The following COBLL1 variants were observed in gnomAD, a reference collection of about 807,000 sequenced individuals.
COBLL1 encodes the protein cordon-bleu protein-like 1.
A neutral mutation model predicts 94.8 loss-of-function variants in COBLL1; 50 were observed. The observed-to-expected ratio is 0.53, with a 90% CI of 0.42 to 0.67. The LOEUF (loss-of-function observed/expected upper bound fraction) is 0.67, where lower values mean the gene tolerates loss of function less well. Ranked by LOEUF, COBLL1 falls within the 30% of genes least tolerant of loss-of-function variation. The pLI is 0.00. For missense variants in COBLL1, 1,362 were observed against 1,348.7 expected, an observed-to-expected ratio of 1.01 and a Z score of -0.15; for synonymous variants, 448 against 473.8, an observed-to-expected ratio of 0.95 and a Z score of 0.71.
chr2:164,671,132 G>C (rs1691235355), intron 1 of COBLL1, among the ~76,000 whole-genome samples: 1 of 152,028 alleles, frequency 6.6e-6, no homozygotes, highest in Non-Finnish European at 1.5e-5. Context: ...ATATAATGCT[G>C]CCAACACCTT....
chr2:164,783,783 A>T (rs1574580694), intron 2 of COBLL1, among the ~76,000 whole-genome samples: 1 of 152,200 alleles, frequency 6.6e-6, no homozygotes, highest in Admixed American at 6.5e-5. Flanking sequence ...CCTGGGCAAC[A>T]TAGCGAGATC....
chr2:164,685,936 A>C lies in COBLL1; in HGVS notation c.*10T>G, dbSNP rs773052861. On this transcript the variant is annotated 3_prime_UTR_variant, in exon 14 of 14. Transcript: ENST00000652658. ...TGGAAGTGAAGTGCAGTGGTGTGGC[A>C]GGGTAACATTTAATGGCCGTCCTGG... The C allele has an allele frequency of 2.0e-5, 31 of 1,563,242 alleles. No individual in the cohort carries two copies. In the East Asian group the frequency reaches 6.1e-4, roughly 31 times the overall value.
chr2:164,714,741 C>G (rs1165297103), intron 7 of COBLL1, among the ~76,000 whole-genome samples: 1 of 152,158 alleles, frequency 6.6e-6, no homozygotes, highest in Non-Finnish European at 1.5e-5. Context: ...AAATGCAAAT[C>G]TTCCCATGAG....
In COBLL1 at chr2:164,705,196, A is replaced by T. The variant is rs957078997; in HGVS notation, c.997-91T>A. ...CTGAACTTTACGTCAAGCACAGGAT[A>T]TATCCAAATGGAACATAACAGTCAT... On this transcript the variant is annotated intron_variant, in intron 7 of 13. Transcript: ENST00000652658. 5.1e-6 allele frequency: 5 copies of T among 982,090 alleles called. No homozygotes were observed. The Admixed American group carries it at 1.8e-4, about 35-fold the overall frequency. 60.8% of individuals were successfully genotyped at this position (982,090 alleles called of 1,614,324 possible).
chr2:164,722,048 A>C (rs368379267), intron 7 of COBLL1, 27 bp downstream of exon 7: 1 of 1,528,202 alleles, frequency 6.5e-7, no homozygotes, highest in Admixed American at 2.1e-5. Context: ...CATCCAAAAA[A>C]ACAAAATAGA....
chr2:164,833,545 G>T (rs1043871278), intron 2 of COBLL1, among the ~76,000 whole-genome samples: 6 of 151,316 alleles, frequency 4.0e-5, no homozygotes, highest in Admixed American at 4.0e-4. Context: ...CCGCCTCCCG[G>T]GTTCACGCCA....
chr2:164,711,715 C>G (rs931549611), intron 7 of COBLL1, among the ~76,000 whole-genome samples: 1 of 152,170 alleles, frequency 6.6e-6, no homozygotes, highest in Non-Finnish European at 1.5e-5. Flanking sequence ...TCAGCTTTTA[C>G]TACCAACAAA....
chr2:164,691,777 C>CT (rs1683608467), intron 13 of COBLL1, among the ~76,000 whole-genome samples: 1 of 152,014 alleles, frequency 6.6e-6, no homozygotes, highest in East Asian at 1.9e-4. Flanking sequence ...ATATTCTGCA[C>CT]TTTTTTTTGG....
At chr2:164,805,336 T>TATTTATATATATATAAATATATATA (rs1559033598) in intron 2 of COBLL1, among the ~76,000 whole-genome samples, 2 of 60,332 alleles carry the variant, frequency 3.3e-5, no homozygotes, top group Non-Finnish European at 6.6e-5. Flanking sequence ...TCTCTCTCTC[T>TATTTATATATATATAAATATATATA]CTATATATAT....
At chr2:164,686,722 A>G (rs531966181) in intron 13 of COBLL1, among the ~76,000 whole-genome samples, 1 of 152,282 alleles carries the variant, frequency 6.6e-6, no homozygotes, top group East Asian at 1.9e-4. Flanking sequence ...GTGAAATTCC[A>G]GCTTTTGAAA....
intron 7 of COBLL1, among the ~76,000 whole-genome samples, chr2:164,715,614 C>A (rs1685123185): frequency 6.6e-6 from 1 of 151,792 alleles, no homozygotes. Flanking sequence ...TGCTTATAAA[C>A]CATGATATAT....
intron 2 of COBLL1, among the ~76,000 whole-genome samples, chr2:164,780,759 C>A (rs1387861948): frequency 1.3e-5 from 2 of 152,084 alleles, no homozygotes; most frequent in African/African-American, 4.8e-5. Context: ...GTGGTGCTGC[C>A]GGAGTATCTG....
chr2:164,819,989 CT>C (rs143956749), intron 2 of COBLL1, among the ~76,000 whole-genome samples: 30,647 of 137,742 alleles, frequency 0.22, 3,271 homozygotes, highest in African/African-American at 0.29. Context: ...CCATACCTGG[CT>C]TTTTTTTTTT....
intron 7 of COBLL1, among the ~76,000 whole-genome samples, chr2:164,720,569 C>T (rs1342726716): frequency 6.6e-6 from 1 of 152,136 alleles, no homozygotes; most frequent in East Asian, 1.9e-4. Context: ...AATTTACACT[C>T]TTCTATGATA....
intron 2 of COBLL1, among the ~76,000 whole-genome samples, chr2:164,747,489 G>A (rs772685862): frequency 4.6e-5 from 7 of 152,070 alleles, no homozygotes; most frequent in Non-Finnish European, 1.0e-4. Context: ...CATTCACACA[G>A]AACTTTTTTT....
chr2:164,724,991 GTT>G (rs1009677077), intron 5 of COBLL1: 1 of 151,306 alleles, frequency 6.6e-6, no homozygotes, highest in African/African-American at 2.4e-5. Context: ...TATGGTTAAA[GTT>G]TTTTTGCATG....
intron 2 of COBLL1, among the ~76,000 whole-genome samples, chr2:164,774,312 C>T (rs1253913208): frequency 1.3e-5 from 2 of 152,158 alleles, no homozygotes; most frequent in East Asian, 1.9e-4. Flanking sequence ...TTTTCTACCA[C>T]GGAAGCCTCA....
At chr2:164,833,306 A>AT (rs2105386216) in intron 2 of COBLL1, among the ~76,000 whole-genome samples, 1 of 152,234 alleles carries the variant, frequency 6.6e-6, no homozygotes, top group African/African-American at 2.4e-5. Flanking sequence ...ATGAGCCGAG[A>AT]TTGTGCCACT....
intron 2 of COBLL1, among the ~76,000 whole-genome samples, chr2:164,798,456 T>A (rs1683587078): frequency 6.6e-6 from 1 of 152,228 alleles, no homozygotes; most frequent in South Asian, 2.1e-4. Flanking sequence ...ACTCTGACGT[T>A]ACATACTCAA....
Sources: allele counts gnomAD v4.1 joint callset (sites outside exome capture counted in the v4.1 genomes callset), GRCh38; gene constraint gnomAD v4.1.1; transcripts MANE v1.5; gene names NCBI Gene and HGNC (gene_info 2026-07-23, HGNC 2026-07-21).